FOXK2: variants seen among roughly 807,000 people sequenced by gnomAD.
FOXK2 encodes the protein forkhead box protein K2.
A neutral mutation model predicts 53.3 loss-of-function variants in FOXK2; 24 were observed. The ratio of observed to expected loss-of-function variants is 0.45; its 90% CI spans 0.33 to 0.63. The LOEUF (loss-of-function observed/expected upper bound fraction) is 0.63. Ranked by LOEUF, FOXK2 falls within the 30% of genes least tolerant of loss-of-function variation. The probability of loss-of-function intolerance (pLI) is 0.03; values close to 1 mark genes in which losing one functional copy is unlikely to be tolerated. For synonymous variants in FOXK2, 505 were observed against 407.1 expected (o/e 1.24, Z -2.89); for missense variants, 952 against 910.5 (o/e 1.05, Z -0.59).
intron 1 of FOXK2, among the ~76,000 whole-genome samples, chr17:82,542,400 G>T (rs1309576062): frequency 6.6e-6 from 1 of 152,046 alleles, no homozygotes; most frequent in Admixed American, 6.6e-5. Flanking sequence ...CCTGAACTCA[G>T]GTGATCCGCC....
chr17:82,580,915 C>G (rs1232273558), intron 4 of FOXK2, among the ~76,000 whole-genome samples: 1 of 151,506 alleles, frequency 6.6e-6, no homozygotes, highest in Non-Finnish European at 1.5e-5. Flanking sequence ...CACACATGGC[C>G]TAGCCCTCCT....
chr17:82,544,439 G>A (rs996008022), intron 1 of FOXK2, among the ~76,000 whole-genome samples: 2 of 151,992 alleles, frequency 1.3e-5, no homozygotes, highest in Non-Finnish European at 2.9e-5. Flanking sequence ...ACACACACAC[G>A]CCACCCAAAA....
chr17:82,573,554 TCTCTCTCTCACACA>T (rs1248058407), intron 4 of FOXK2, among the ~76,000 whole-genome samples: 292 of 108,492 alleles, frequency 2.7e-3, no homozygotes, highest in Admixed American at 5.8e-3. Context: ...TCTCTCTCTC[TCTCTCTCTCACACA>T]CACACACACA....
At chr17:82,531,074 A>G (rs2044468355) in intron 1 of FOXK2, among the ~76,000 whole-genome samples, 1 of 152,162 alleles carries the variant, frequency 6.6e-6, no homozygotes, top group Admixed American at 6.6e-5. Flanking sequence ...GGACTTGTCC[A>G]CACGTGATTA....
chr17:82,553,762 A>G (rs977695916), intron 1 of FOXK2, among the ~76,000 whole-genome samples: 2 of 152,142 alleles, frequency 1.3e-5, no homozygotes, highest in African/African-American at 4.8e-5. Context: ...TGTGGTGGAG[A>G]TTGTCCCAGA....
At chr17:82,525,431 G>T (rs1175155777) in intron 1 of FOXK2, among the ~76,000 whole-genome samples, 1 of 152,036 alleles carries the variant, frequency 6.6e-6, no homozygotes, top group Non-Finnish European at 1.5e-5. Context: ...TGCCCACCTC[G>T]GCCTCCCAAA....
At chr17:82,523,705 GAC>G (rs2044389626) in intron 1 of FOXK2, among the ~76,000 whole-genome samples, 1 of 151,920 alleles carries the variant, frequency 6.6e-6, no homozygotes, top group African/African-American at 2.4e-5. Flanking sequence ...TTGAACTCCT[GAC>G]CTCAGGTGAT....
chr17:82,528,947 G>T (rs62078091), intron 1 of FOXK2, among the ~76,000 whole-genome samples: 5,929 of 152,280 alleles, frequency 0.039, 126 homozygotes, highest in Non-Finnish European at 0.044. Flanking sequence ...GTGTCTGGAG[G>T]CACATTTGGT....
At chr17:82,557,429 C>T (rs796226846) in intron 1 of FOXK2, among the ~76,000 whole-genome samples, 35 of 151,810 alleles carry the variant, frequency 2.3e-4, no homozygotes, top group African/African-American at 7.7e-4. Flanking sequence ...CTGCAACCTC[C>T]GCTCCCCAGG....
Position 82,582,857 on chromosome 17 carries a change from A to T in FOXK2, c.1026A>T (p.Leu342Phe). The T allele has an allele frequency of 6.2e-7, 1 of 1,613,614 alleles. No individual in the cohort carries two copies. The highest frequency in any genetic ancestry group is 2.2e-5 in the East Asian group (1 of 44,872). ...TAGACCCAGCCTCTGAAAGCAAATT[A>T]ATAGAACAGGCTTTTAGGAAACGAC... is the stretch of plus-strand genomic sequence containing the variant. Reference protein sequence around the residue: ...WRIDPASESKLIEQAFRKRRP... With the variant: ...WRIDPASESKFIEQAFRKRRP... Residue 342 changes from leucine (L) to phenylalanine (F), a missense_variant, in exon 5 of 9, where the codon TTA becomes TTT. Leu to Phe is a conservative substitution (Grantham distance 22). Coordinates refer to ENST00000335255, the MANE Select transcript of FOXK2 (RefSeq NM_004514.4).
chr17:82,540,576 A>C (rs1260077321), intron 1 of FOXK2, among the ~76,000 whole-genome samples: 1 of 152,088 alleles, frequency 6.6e-6, no homozygotes, highest in African/African-American at 2.4e-5. Context: ...GGCACACTCC[A>C]GTCCAGCACC....
intron 8 of FOXK2, among the ~76,000 whole-genome samples, chr17:82,591,481 G>T (rs2045252501): frequency 6.6e-6 from 1 of 152,178 alleles, no homozygotes; most frequent in Non-Finnish European, 1.5e-5. Context: ...GCCTGGAGGA[G>T]ATGGAAGCCG....
intron 8 of FOXK2, among the ~76,000 whole-genome samples, chr17:82,588,622 G>A (rs917845078): frequency 1.3e-5 from 2 of 152,146 alleles, no homozygotes; most frequent in Non-Finnish European, 2.9e-5. Context: ...AGAGTGCTGC[G>A]TTCCCCAGAG....
intron 8 of FOXK2, among the ~76,000 whole-genome samples, chr17:82,592,872 A>G (rs2045266107): frequency 6.6e-6 from 1 of 151,724 alleles, no homozygotes; most frequent in Admixed American, 6.6e-5. Flanking sequence ...TTCTGAAAGC[A>G]GACCCCGTGA....
At chr17:82,586,361 A>G (rs1436079295) in intron 7 of FOXK2, among the ~76,000 whole-genome samples, 161 bp downstream of exon 7, 12 of 116,546 alleles carry the variant, frequency 1.0e-4, no homozygotes, top group South Asian at 2.7e-4. Flanking sequence ...GGCGGAGGGG[A>G]AAGGAGGAGA....
chr17:82,523,732 C>T (rs993072086), intron 1 of FOXK2, among the ~76,000 whole-genome samples: 17 of 152,042 alleles, frequency 1.1e-4, no homozygotes, highest in African/African-American at 3.9e-4. Flanking sequence ...TCACCTCCGC[C>T]TCCCAAAGTG....
chr17:82,584,214 G>A (rs1213228783), intron 6 of FOXK2, 26 bp downstream of exon 6: 1 of 1,560,266 alleles, frequency 6.4e-7, no homozygotes, highest in South Asian at 1.2e-5. Flanking sequence ...AGGAAGCGAG[G>A]GCCCCAACAG....
Position 82,587,290 on chromosome 17 carries a change from G to A in FOXK2, c.1786+18G>A. On this transcript the variant is annotated intron_variant, in intron 8 of 8. Transcript: ENST00000335255. ...GAACAATGGTAAGACATGCTGGTCG[G>A]TGGCTCCCCGTGGCTGTGGGTACTG... is the stretch of plus-strand genomic sequence containing the variant. 6.3e-7 allele frequency: 1 copy of A among 1,589,194 alleles called. No individual in the cohort carries two copies. The highest frequency in any genetic ancestry group is 8.6e-7 in the Non-Finnish European group (1 of 1,159,158).
chr17:82,529,977 C>A (rs2044457426), intron 1 of FOXK2, among the ~76,000 whole-genome samples: 1 of 152,106 alleles, frequency 6.6e-6, no homozygotes, highest in South Asian at 2.1e-4. Flanking sequence ...GAACGTTTAT[C>A]TTTAGTGGGA....
Sources: gnomAD v4.1 joint callset for allele counts (sites outside exome capture counted in the v4.1 genomes callset) on GRCh38, gnomAD v4.1.1 for gene constraint, MANE v1.5 for transcripts, NCBI Gene and HGNC (gene_info 2026-07-23, HGNC 2026-07-21) for gene names.